ACOXL: variants seen among roughly 807,000 people sequenced by gnomAD.
ACOXL encodes the protein acyl-CoA oxidase like.
Under a neutral mutation model 71.9 loss-of-function variants are expected in ACOXL, and 70 were observed. The observed-to-expected ratio is 0.97, with a 90% CI of 0.80 to 1.19. The LOEUF (loss-of-function observed/expected upper bound fraction) is 1.19, where lower values mean the gene tolerates loss of function less well. Among genes scored for constraint, ACOXL ranks in the 50% most tolerant of loss-of-function variants. ACOXL has a pLI of 0.00. For missense variants in ACOXL, 703 were observed against 736.3 expected (o/e 0.95, Z 0.52); for synonymous variants, 253 against 281.6 (o/e 0.90, Z 1.02).
chr2:110,938,073 T>C (rs926079315), intron 12 of ACOXL, among the ~76,000 whole-genome samples: 2 of 152,190 alleles, frequency 1.3e-5, no homozygotes, highest in Non-Finnish European at 1.5e-5. Context: ...AGGCAGGCCC[T>C]GTGCAGCTGC....
intron 2 of ACOXL, among the ~76,000 whole-genome samples, chr2:110,771,579 G>A (rs1681938436): frequency 6.6e-6 from 1 of 152,198 alleles, no homozygotes; most frequent in African/African-American, 2.4e-5. Context: ...ATATTTCCAC[G>A]CTGTGTTTTC....
At position 110,770,745 on chromosome 2, in the gene ACOXL, C is replaced by T. The variant is rs183606633; in HGVS notation, c.75+2281C>T. ...TGTCAGAGTCGCCTCCAAGTGCGTT[C>T]GGCATGGGGCTGGTTGGAAGGTGAA... On this transcript the variant is annotated intron_variant, in intron 2 of 17. Transcript: ENST00000439055. Among the ~76,000 whole-genome samples, 142 of 152,336 alleles carry T rather than the reference C, an allele frequency of 9.3e-4. 2 individuals are homozygous for T. Among genetic ancestry groups the T allele is most frequent in the African/African-American group, 3.2e-3 (134 of 41,582 alleles).
chr2:111,044,862 AT>A (rs2065941066), intron 15 of ACOXL, among the ~76,000 whole-genome samples: 2 of 151,864 alleles, frequency 1.3e-5, no homozygotes, highest in South Asian at 2.1e-4. Flanking sequence ...GCTGCTCCAT[AT>A]TTTTTTCTCC....
At chr2:110,800,791 CG>C (rs1411427414) in intron 7 of ACOXL, among the ~76,000 whole-genome samples, 1 of 152,072 alleles carries the variant, frequency 6.6e-6, no homozygotes, top group Non-Finnish European at 1.5e-5. Flanking sequence ...ATGTATCTCC[CG>C]GGGGTGACCG....
At chr2:110,988,111 A>T (rs1300021388) in intron 13 of ACOXL, among the ~76,000 whole-genome samples, 1 of 152,136 alleles carries the variant, frequency 6.6e-6, no homozygotes, top group African/African-American at 2.4e-5. Context: ...GATATTTTTA[A>T]ATTTTATTTT....
At chr2:111,083,580 A>G (rs1335684096) in intron 16 of ACOXL, among the ~76,000 whole-genome samples, 1 of 150,906 alleles carries the variant, frequency 6.6e-6, no homozygotes, top group East Asian at 1.9e-4. Flanking sequence ...TTTTTTGAAT[A>G]GTCACATAAG....
intron 12 of ACOXL, among the ~76,000 whole-genome samples, chr2:110,946,940 T>A (rs2061132156): frequency 6.6e-6 from 1 of 152,222 alleles, no homozygotes; most frequent in African/African-American, 2.4e-5. Flanking sequence ...AAGGAGAGGC[T>A]GGAACTGGAG....
intron 1 of ACOXL, among the ~76,000 whole-genome samples, chr2:110,748,242 C>T (rs1019208348): frequency 1.3e-5 from 2 of 152,064 alleles, no homozygotes; most frequent in African/African-American, 4.8e-5. Flanking sequence ...GTGCAGGTGC[C>T]TAATGAAAAC....
intron 9 of ACOXL, among the ~76,000 whole-genome samples, chr2:110,811,788 C>T (rs143330978): frequency 0.014 from 2,164 of 150,128 alleles, 29 homozygotes; most frequent in Non-Finnish European, 0.02. Context: ...CACACACACG[C>T]GGGGAGGAGA....
chr2:111,098,068 A>G (rs956508059), intron 17 of ACOXL, among the ~76,000 whole-genome samples: 6 of 152,248 alleles, frequency 3.9e-5, no homozygotes, highest in African/African-American at 1.4e-4. Flanking sequence ...ACATATCACC[A>G]GTGATAACAT....
intron 12 of ACOXL, among the ~76,000 whole-genome samples, chr2:110,937,361 A>G (rs971946652): frequency 1.4e-5 from 2 of 138,248 alleles, no homozygotes; most frequent in Non-Finnish European, 3.2e-5. Flanking sequence ...TAAATTTAGA[A>G]CAAAGAATGC....
At chr2:110,825,278 C>G (rs2105558856) in intron 9 of ACOXL, among the ~76,000 whole-genome samples, 1 of 152,264 alleles carries the variant, frequency 6.6e-6, no homozygotes, top group South Asian at 2.1e-4. Flanking sequence ...GCCACTTATA[C>G]TGAACTAGTT....
chr2:110,809,059 G>A (rs1423136809), intron 9 of ACOXL, among the ~76,000 whole-genome samples: 1 of 152,214 alleles, frequency 6.6e-6, no homozygotes. Flanking sequence ...AGTGCATGTT[G>A]GTTCTTGTGC....
At chr2:110,744,574 C>T (rs1235968673) in intron 1 of ACOXL, among the ~76,000 whole-genome samples, 1 of 152,148 alleles carries the variant, frequency 6.6e-6, no homozygotes, top group Non-Finnish European at 1.5e-5. Context: ...CCCTACATTA[C>T]CTACAACCTT....
chr2:110,816,676 C>T (rs902530768), intron 9 of ACOXL, among the ~76,000 whole-genome samples: 5 of 152,186 alleles, frequency 3.3e-5, no homozygotes, highest in East Asian at 1.9e-4. Flanking sequence ...TACACAGGTC[C>T]GGGGATGGTC....
At chr2:111,103,168 G>A (rs1160209763) in intron 17 of ACOXL, among the ~76,000 whole-genome samples, 1 of 152,046 alleles carries the variant, frequency 6.6e-6, no homozygotes, top group African/African-American at 2.4e-5. Context: ...GGTGGCATGC[G>A]CCTGTAATCC....
rs371121038 is a variant in ACOXL, at chr2:110,933,516, T to G, written c.933T>G (p.Asp311Glu). 1 of 1,614,050 alleles carries G rather than the reference T, an allele frequency of 6.2e-7. No individual in the cohort carries two copies. Among genetic ancestry groups the G allele is most frequent in the Non-Finnish European group, 8.5e-7 (1 of 1,179,998 alleles). Residue 311 changes from aspartate to glutamate, a missense_variant, in exon 12 of 18, where the codon GAT becomes GAG. Coordinates refer to ENST00000439055, the MANE Select transcript of ACOXL (RefSeq NM_001142807.4). ...ATGCTGGGGCCCTCCTGGATGAGGA[T>G]GTCTTCCAGGGAAAGGAGCTGGTCA... The part of the protein sequence containing the change: ...SRYAGALLDE[D>E]VFQGKELVNS...
At chr2:110,875,107 C>T (rs75606516) in intron 10 of ACOXL, among the ~76,000 whole-genome samples, 2,768 of 152,284 alleles carry the variant, frequency 0.018, 47 homozygotes, top group Middle Eastern at 0.058. Context: ...CTTGTCTGCA[C>T]GCAGGCCAAT....
chr2:110,915,430 T>TA (rs1558722338), intron 11 of ACOXL, among the ~76,000 whole-genome samples: 80 of 133,474 alleles, frequency 6.0e-4, no homozygotes, highest in African/African-American at 2.6e-3. Context: ...ATATATATAT[T>TA]TTTTTTTTTT....
Sources: allele counts gnomAD v4.1 joint callset (sites outside exome capture counted in the v4.1 genomes callset), GRCh38; gene constraint gnomAD v4.1.1; transcripts MANE v1.5; gene names NCBI Gene and HGNC (gene_info 2026-07-23, HGNC 2026-07-21).